ANK3: variants seen among roughly 807,000 people sequenced by gnomAD.
The protein encoded by ANK3 is ankyrin-3.
Under a neutral mutation model 370.9 loss-of-function variants are expected in ANK3, and 57 were observed. The ratio of observed to expected loss-of-function variants is 0.15; its 90% CI spans 0.12 to 0.19. ANK3 has a LOEUF of 0.19. ANK3 is among the 10% of genes least tolerant of loss of function. ANK3 has a pLI of 1.00. For missense variants in ANK3, 4,439 were observed against 5,302.1 expected, an observed-to-expected ratio of 0.84 and a Z score of 5.06; for synonymous variants, 1,929 against 1,946.3, an observed-to-expected ratio of 0.99 and a Z score of 0.23.
At chr10:60,361,366 T>C (rs1046817673) in intron 1 of ANK3, among the ~76,000 whole-genome samples, 3 of 152,204 alleles carry the variant, frequency 2.0e-5, no homozygotes, top group Admixed American at 2.0e-4. Flanking sequence ...GTAATAGTCC[T>C]TTGATACACT....
intron 2 of ANK3, among the ~76,000 whole-genome samples, chr10:60,549,834 A>G (rs142738201): frequency 3.7e-4 from 56 of 152,294 alleles, no homozygotes; most frequent in African/African-American, 1.3e-3. Flanking sequence ...GTTCTGTGAA[A>G]TGGCTTTAAT....
intron 8 of ANK3, among the ~76,000 whole-genome samples, chr10:60,223,965 A>G (rs1157286254): frequency 6.6e-6 from 1 of 151,786 alleles, no homozygotes; most frequent in African/African-American, 2.4e-5. Context: ...GAAGCGGAAT[A>G]AGGATTCTTA....
At chr10:60,527,629 A>G (rs1025185604) in intron 2 of ANK3, among the ~76,000 whole-genome samples, 11 of 152,188 alleles carry the variant, frequency 7.2e-5, no homozygotes, top group African/African-American at 2.4e-4. Flanking sequence ...TCTGAAATTC[A>G]TTCAAAAGAG....
At chr10:60,531,052 C>A (rs1039196954) in intron 2 of ANK3, among the ~76,000 whole-genome samples, 6 of 152,136 alleles carry the variant, frequency 3.9e-5, no homozygotes, top group African/African-American at 1.4e-4. Context: ...AAATAATGGA[C>A]AATGTTCAGA....
chr10:60,289,004 T>TAA (rs2040693784), intron 1 of ANK3, among the ~76,000 whole-genome samples: 1 of 152,052 alleles, frequency 6.6e-6, no homozygotes, highest in Non-Finnish European at 1.5e-5. Context: ...TGATCTCCTT[T>TAA]GGTGGCACAT....
At chr10:60,295,611 TTG>T (rs1353703615) in intron 1 of ANK3, among the ~76,000 whole-genome samples, 2 of 152,150 alleles carry the variant, frequency 1.3e-5, no homozygotes. Flanking sequence ...AACACTCACA[TTG>T]TGATCTGTCT....
chr10:60,577,785 C>T (rs1266518668), intron 2 of ANK3, among the ~76,000 whole-genome samples: 3 of 152,178 alleles, frequency 2.0e-5, no homozygotes, highest in Non-Finnish European at 2.9e-5. Context: ...ATGAAAGCAT[C>T]TGAAGAAACA....
chr10:60,251,272 T>C (rs1197154978), intron 7 of ANK3, among the ~76,000 whole-genome samples: 1 of 152,190 alleles, frequency 6.6e-6, no homozygotes, highest in Non-Finnish European at 1.5e-5. Context: ...CCAACCGCTC[T>C]CTGGGGTGCA....
rs764017674 is a variant in ANK3, at chr10:60,082,603, A to G, written c.4323+12T>C. 1.9e-6 allele frequency: 3 copies of G among 1,613,090 alleles called. No homozygotes were observed. Among genetic ancestry groups the G allele is most frequent in the East Asian group, 2.2e-5 (1 of 44,874 alleles). On this transcript the variant is annotated intron_variant, in intron 34 of 43. Coordinates refer to ENST00000280772, the MANE Select transcript of ANK3 (RefSeq NM_020987.5). ...CCAGGGAAAGACAATTTAAAGCAGT[A>G]TTAAAAGATACCTTTTTATGTGCTG...
At chr10:60,686,763 T>C (rs74155696) in intron 1 of ANK3, among the ~76,000 whole-genome samples, 1,792 of 152,310 alleles carry the variant, frequency 0.012, 35 homozygotes, top group African/African-American at 0.04. Flanking sequence ...GAACTCATTA[T>C]TTTGTTAATT....
intron 1 of ANK3, among the ~76,000 whole-genome samples, chr10:60,370,703 G>T (rs2059991308): frequency 6.6e-6 from 1 of 152,028 alleles, no homozygotes; most frequent in Non-Finnish European, 1.5e-5. Flanking sequence ...AAAAATCAGT[G>T]GCTTCAACAC....
chr10:60,434,303 A>T (rs1176006336), intron 2 of ANK3, among the ~76,000 whole-genome samples: 1 of 152,192 alleles, frequency 6.6e-6, no homozygotes, highest in East Asian at 1.9e-4. Flanking sequence ...GCCCTATAGC[A>T]TAGCCCATGT....
intron 1 of ANK3, among the ~76,000 whole-genome samples, chr10:60,337,406 C>T (rs893647031): frequency 2.0e-5 from 3 of 152,122 alleles, no homozygotes; most frequent in Non-Finnish European, 4.4e-5. Flanking sequence ...ACATGACCCT[C>T]TCTGTTTTCC....
intron 13 of ANK3, among the ~76,000 whole-genome samples, chr10:60,199,347 G>A (rs1371100737): frequency 6.6e-6 from 1 of 152,186 alleles, no homozygotes; most frequent in Non-Finnish European, 1.5e-5. Context: ...TAAGGAGGAT[G>A]AGGGTCAATG....
At chr10:60,057,162 T>G (rs2079363130) in intron 41 of ANK3, among the ~76,000 whole-genome samples, 1 of 152,214 alleles carries the variant, frequency 6.6e-6, no homozygotes, top group Non-Finnish European at 1.5e-5. Flanking sequence ...TTTTCTCTAC[T>G]CTTGACCTCT....
At chr10:60,672,409 G>A (rs948644055) in intron 1 of ANK3, among the ~76,000 whole-genome samples, 6 of 152,180 alleles carry the variant, frequency 3.9e-5, no homozygotes, top group African/African-American at 1.4e-4. Context: ...TCTGGGAAGA[G>A]GCAATGGGCT....
chr10:60,136,356 T>C (rs1409320879), intron 24 of ANK3, among the ~76,000 whole-genome samples: 1 of 152,180 alleles, frequency 6.6e-6, no homozygotes, highest in Non-Finnish European at 1.5e-5. Flanking sequence ...GGCTAGTGGC[T>C]ACATTATTAG....
intron 2 of ANK3, among the ~76,000 whole-genome samples, chr10:60,514,935 G>T (rs2076180464): frequency 6.6e-6 from 1 of 151,948 alleles, no homozygotes. Flanking sequence ...TGTGTCTTTG[G>T]TTGATAACTA....
At chr10:60,040,340 A>G (rs1427908813) in intron 43 of ANK3, among the ~76,000 whole-genome samples, 1 of 151,720 alleles carries the variant, frequency 6.6e-6, no homozygotes, top group Non-Finnish European at 1.5e-5. Context: ...AACTCTCAAT[A>G]TATTTGCAAA....
Sources: allele counts gnomAD v4.1 joint callset (sites outside exome capture counted in the v4.1 genomes callset), GRCh38; gene constraint gnomAD v4.1.1; transcripts MANE v1.5; gene names NCBI Gene and HGNC (gene_info 2026-07-23, HGNC 2026-07-21).